Variants in ATP6V1B1 observed in about 807,000 individuals in gnomAD.
ATP6V1B1 encodes ATPase H+ transporting V1 subunit B1.
In ATP6V1B1, 41 loss-of-function variants were observed where a neutral mutation model predicts 62.1. The ratio of observed to expected loss-of-function variants is 0.66; its 90% CI spans 0.51 to 0.86. The LOEUF (loss-of-function observed/expected upper bound fraction) is 0.86, where lower values mean the gene tolerates loss of function less well. Among genes scored for constraint, ATP6V1B1 ranks in the 40% least tolerant of loss-of-function variants. The pLI, the probability that ATP6V1B1 is intolerant of heterozygous loss-of-function variation, is 0.00. For synonymous variants in ATP6V1B1, 253 were observed against 273.4 expected (o/e 0.93, Z 0.74); for missense variants, 651 against 697.5 (o/e 0.93, Z 0.75).
chr2:70,945,134 T>G (rs1322055899), intron 2 of ATP6V1B1, among the ~76,000 whole-genome samples: 1 of 152,226 alleles, frequency 6.6e-6, no homozygotes, highest in Non-Finnish European at 1.5e-5. Context: ...CAGTAATGTA[T>G]GTTTATTAAC....
intron 1 of ATP6V1B1, chr2:70,942,308 G>A (rs1553416534): frequency 2.5e-6 from 1 of 398,846 alleles, no homozygotes. Context: ...CAAAGTGCAA[G>A]TTGAACTTAT....
In ATP6V1B1 at chr2:70,964,455, C is replaced by G. The variant is rs377624239; in HGVS notation, c.1161C>G (p.Asn387Lys). ...TCCCTCAGATCTACCCCCCCATCAA[C>G]GTGCTCCCTTCCCTGTCGCGGCTGA... ...LHNRQIYPPI[N>K]VLPSLSRLMK... The change falls in exon 12 of 14, where the codon AAC becomes AAG. Residue 387 changes from asparagine to lysine, a missense_variant. Coordinates refer to ENST00000234396, the MANE Select transcript of ATP6V1B1 (RefSeq NM_001692.4). 70 of 1,614,038 alleles carry G rather than the reference C, an allele frequency of 4.3e-5. No individual in the cohort carries two copies. Among genetic ancestry groups the G allele is most frequent in the Non-Finnish European group, 5.7e-5 (67 of 1,180,046 alleles).
intron 2 of ATP6V1B1, among the ~76,000 whole-genome samples, chr2:70,950,860 G>A (rs782669658): frequency 1.6e-4 from 24 of 150,994 alleles, no homozygotes; most frequent in African/African-American, 5.9e-4. Flanking sequence ...TGTCACCAAC[G>A]GTTAATATAT....
chr2:70,939,549 AG>A (rs1679935098), intron 1 of ATP6V1B1: 1 of 152,296 alleles, frequency 6.6e-6, no homozygotes, highest in South Asian at 2.1e-4. Context: ...ACTCCATGCA[AG>A]GGACACACGG....
At position 70,959,799 on chromosome 2, in the gene ATP6V1B1, A is replaced by T; in HGVS notation, c.446-140A>T. 1 of 1,221,756 alleles carries T rather than the reference A, an allele frequency of 8.2e-7. No homozygotes were observed. The highest frequency in any genetic ancestry group is 1.2e-6 in the Non-Finnish European group (1 of 848,778). The allele number at this position is 1,221,756 out of a possible 1,614,324, so 75.7% of individuals were successfully genotyped here. On this transcript the variant is annotated intron_variant, in intron 5 of 13. Transcript: ENST00000234396. The surrounding 1 kb of genome is among the most constrained non-coding windows in gnomAD (Gnocchi z 4.2). The stretch of plus-strand genomic sequence containing the variant: ...AGCCATTTGTATCTAGGGCTACATC[A>T]GGCAGCACGGCCAGAGCACGTTTCT...
chr2:70,958,269 G>C, intron 3 of ATP6V1B1, 64 bp from the exon 4 acceptor site: 2 of 1,601,602 alleles, frequency 1.2e-6, no homozygotes, highest in Non-Finnish European at 1.7e-6. Flanking sequence ...AAAGTGCCCA[G>C]AATGGGTAGC....
At chr2:70,962,974 G>A (rs1680627515) in intron 9 of ATP6V1B1, 74 bp downstream of exon 9, 3 of 1,608,474 alleles carry the variant, frequency 1.9e-6, no homozygotes, top group Non-Finnish European at 2.5e-6. Context: ...CGGTCACCCT[G>A]CAAATAGAGG....
intron 3 of ATP6V1B1, 57 bp downstream of exon 3, chr2:70,958,201 TCC>T (rs1680491250): frequency 1.3e-6 from 2 of 1,595,254 alleles, no homozygotes; most frequent in African/African-American, 2.7e-5. Context: ...CCCATAAAGT[TCC>T]CACACTATCT....
chr2:70,937,622 T>C (rs1433505263), intron 1 of ATP6V1B1, among the ~76,000 whole-genome samples: 1 of 151,528 alleles, frequency 6.6e-6, no homozygotes, highest in Non-Finnish European at 1.5e-5. Flanking sequence ...CTCTTGCCAG[T>C]CTGTTGTGAT....
intron 2 of ATP6V1B1, among the ~76,000 whole-genome samples, chr2:70,953,254 C>A (rs565041443): frequency 1.1e-4 from 16 of 152,356 alleles, no homozygotes; most frequent in Admixed American, 8.5e-4. Context: ...GTGTGAGCCA[C>A]TACACCCAGC....
At chr2:70,962,590 T>C (rs1343833982) in intron 8 of ATP6V1B1, among the ~76,000 whole-genome samples, 187 bp from the exon 9 acceptor site, 2 of 152,150 alleles carry the variant, frequency 1.3e-5, no homozygotes, top group Admixed American at 1.3e-4. Flanking sequence ...GAGGTGTGTG[T>C]TGGAGTCTGC....
intron 2 of ATP6V1B1, among the ~76,000 whole-genome samples, chr2:70,944,897 G>T (rs1680118114): frequency 6.6e-6 from 1 of 152,092 alleles, no homozygotes. Context: ...TCGATCTCTT[G>T]ACCTGGTGAT....
intron 1 of ATP6V1B1, among the ~76,000 whole-genome samples, chr2:70,937,953 C>T (rs1471987735): frequency 6.6e-6 from 1 of 152,112 alleles, no homozygotes; most frequent in Non-Finnish European, 1.5e-5. Context: ...ATGCTTCCCT[C>T]GATGCTGGCT....
chr2:70,942,136 T>G, intron 1 of ATP6V1B1: 1 of 749,668 alleles, frequency 1.3e-6, no homozygotes, highest in South Asian at 7.1e-5. Flanking sequence ...GAGTCATCTC[T>G]AGGGCCTGTT....
At position 70,935,979 on chromosome 2, in the gene ATP6V1B1, C is replaced by T; in HGVS notation, c.25C>T (p.Pro9Ser). Residue 9 changes from proline to serine, a missense_variant, in exon 1 of 14, where the codon CCT (proline) becomes TCT (serine). Physicochemically the swap from Pro to Ser is moderately conservative, Grantham distance 74 (BLOSUM62 -1). Transcript: ENST00000234396. Reference sequence around the variant, plus strand: ...CATGGCCATGGAGATAGACAGCAGGCCTGGGGGGCTCCCCGGCAGTAGCTG... The same window carrying T: ...CATGGCCATGGAGATAGACAGCAGGTCTGGGGGGCTCCCCGGCAGTAGCTG... MAMEIDSRPGGLPGSSCNL... is the reference protein window; with the variant it reads MAMEIDSRSGGLPGSSCNL... 10 of 1,613,924 alleles carry T rather than the reference C, an allele frequency of 6.2e-6. No individual in the cohort carries two copies. Among genetic ancestry groups the T allele is most frequent in the Non-Finnish European group, 8.5e-6 (10 of 1,179,918 alleles).
intron 1 of ATP6V1B1, among the ~76,000 whole-genome samples, chr2:70,937,565 C>A (rs1210582651): frequency 3.3e-5 from 5 of 151,976 alleles, no homozygotes; most frequent in African/African-American, 1.2e-4. Context: ...GACTGGGCCC[C>A]CTTGGGTCCA....
Position 70,959,248 on chromosome 2 carries a change from T to C in ATP6V1B1, c.445+153T>C, listed in dbSNP as rs1022971173. Among the ~76,000 whole-genome samples, 5 of 152,174 alleles carry C rather than the reference T, an allele frequency of 3.3e-5. No individual in the cohort carries two copies. The highest frequency in any genetic ancestry group is 5.9e-5 in the Non-Finnish European group (4 of 68,036). The stretch of plus-strand genomic sequence containing the variant: ...CAAATCTTCCACTGAACCCCAACAC[T>C]GCCGTCAGCACTCCATGTCCATCCC... On this transcript the variant is annotated intron_variant, in intron 5 of 13. Coordinates refer to ENST00000234396, the MANE Select transcript of ATP6V1B1 (RefSeq NM_001692.4). The surrounding 1 kb of genome is among the most constrained non-coding windows in gnomAD (Gnocchi z 4.2).
intron 11 of ATP6V1B1, chr2:70,964,134 T>TTTTTTTTTTTTTTTTTC (rs1553420614): frequency 3.2e-6 from 1 of 310,174 alleles, no homozygotes; most frequent in African/African-American, 2.3e-5. Context: ...TTTTTTTTTT[T>TTTTTTTTTTTTTTTTTC]TTGCAGCTAT....
At chr2:70,936,146 C>G (rs541114582) in intron 1 of ATP6V1B1, 74 bp downstream of exon 1, 1 of 1,471,852 alleles carries the variant, frequency 6.8e-7, no homozygotes. Context: ...TCCCGGGCCC[C>G]GCTTCTTGCC....
Sources: allele counts gnomAD v4.1 joint callset (sites outside exome capture counted in the v4.1 genomes callset), GRCh38; gene constraint gnomAD v4.1.1; non-coding constraint Gnocchi (gnomAD v3.1); transcripts MANE v1.5; gene names NCBI Gene and HGNC (gene_info 2026-07-23, HGNC 2026-07-21).